FAM227B: variants seen among roughly 807,000 people sequenced by gnomAD.
FAM227B encodes family with sequence similarity 227 member B, also known as protein FAM227B.
In FAM227B, 88 loss-of-function variants were observed where a neutral mutation model predicts 73.8. The ratio of observed to expected loss-of-function variants is 1.19; its 90% CI spans 1.00 to 1.42. The LOEUF (loss-of-function observed/expected upper bound fraction) is 1.42, where lower values mean the gene tolerates loss of function less well. Among genes scored for constraint, FAM227B ranks in the 40% most tolerant of loss-of-function variants. FAM227B has a pLI of 0.00. For synonymous variants in FAM227B, 210 were observed against 190.5 expected, an observed-to-expected ratio of 1.10 and a Z score of -0.84; for missense variants, 632 against 590.9, an observed-to-expected ratio of 1.07 and a Z score of -0.72.
intron 11 of FAM227B, among the ~76,000 whole-genome samples, chr15:49,374,129 A>T (rs1378265531): frequency 6.6e-6 from 1 of 152,212 alleles, no homozygotes; most frequent in Non-Finnish European, 1.5e-5. Flanking sequence ...TTATAAAGAT[A>T]GTTGGTATCA....
intron 12 of FAM227B, among the ~76,000 whole-genome samples, chr15:49,368,702 T>C (rs564385934): frequency 6.6e-6 from 1 of 152,312 alleles, no homozygotes; most frequent in East Asian, 1.9e-4. Context: ...TTTAAAAAAT[T>C]TGCCTGTCTA....
In FAM227B at chr15:49,552,390, T is replaced by C. The variant is rs113772268; in HGVS notation, c.748-10584A>G. On this transcript the variant is annotated intron_variant, in intron 9 of 15. Coordinates refer to ENST00000299338, the MANE Select transcript of FAM227B (RefSeq NM_152647.3). Reference sequence around the variant, plus strand: ...ATTATTGTATGTTGTTTCTTTCTTTTATCTTGCTGCTCTCAGGTCCTTTCT... The same window carrying C: ...ATTATTGTATGTTGTTTCTTTCTTTCATCTTGCTGCTCTCAGGTCCTTTCT... Among the ~76,000 whole-genome samples, 5 of 70,794 alleles carry C rather than the reference T, an allele frequency of 7.1e-5. No individual in the cohort carries two copies. The East Asian group carries it at 2.5e-3, about 35-fold the overall frequency. 46.4% of individuals were successfully genotyped at this position (70,794 alleles called of 152,430 possible).
chr15:49,522,014 C>A (rs1167073158), intron 10 of FAM227B, among the ~76,000 whole-genome samples: 1 of 152,078 alleles, frequency 6.6e-6, no homozygotes, highest in East Asian at 1.9e-4. Flanking sequence ...CTGAACTGCA[C>A]CACCAAATAA....
In FAM227B at chr15:49,536,384, C is replaced by T. The variant is rs563305645; in HGVS notation, c.874+5296G>A. Among the ~76,000 whole-genome samples, 11 of 151,838 alleles carry T rather than the reference C, an allele frequency of 7.2e-5. No individual in the cohort carries two copies. In the South Asian group the frequency reaches 2.3e-3, roughly 31 times the overall value. On this transcript the variant is annotated intron_variant, in intron 10 of 15. Coordinates refer to ENST00000299338, the MANE Select transcript of FAM227B (RefSeq NM_152647.3). The stretch of plus-strand genomic sequence containing the variant: ...ACTAAGGAGGTAAAAAGTCTGCAGA[C>T]TGAACACTGTAAAACACTGAAGAAA...
intron 10 of FAM227B, among the ~76,000 whole-genome samples, chr15:49,521,131 CTT>C (rs1422155946): frequency 1.3e-5 from 2 of 152,186 alleles, no homozygotes; most frequent in African/African-American, 2.4e-5. Context: ...TGCTTGTACA[CTT>C]GTTATGGGAC....
At chr15:49,508,499 A>T (rs2058742737) in intron 10 of FAM227B, 151 bp from the exon 11 acceptor site, 1 of 561,328 alleles carries the variant, frequency 1.8e-6, no homozygotes, top group African/African-American at 2.0e-5. Flanking sequence ...AGGATTAGAT[A>T]AGTCATCTAA....
intron 11 of FAM227B, among the ~76,000 whole-genome samples, chr15:49,475,134 C>T (rs1253827537): frequency 1.3e-5 from 2 of 151,980 alleles, no homozygotes; most frequent in South Asian, 2.1e-4. Context: ...TTTTTTCACC[C>T]TGCACTCCGG....
At chr15:49,516,632 T>C (rs990164184) in intron 10 of FAM227B, among the ~76,000 whole-genome samples, 8 of 151,998 alleles carry the variant, frequency 5.3e-5, no homozygotes, top group African/African-American at 1.9e-4. Flanking sequence ...GGCTGGGATG[T>C]GGAATTCAGT....
At chr15:49,390,347 G>C (rs1351646656) in intron 11 of FAM227B, among the ~76,000 whole-genome samples, 1 of 151,974 alleles carries the variant, frequency 6.6e-6, no homozygotes, top group Non-Finnish European at 1.5e-5. Flanking sequence ...AAGCCACTAA[G>C]ATTTTACTAA....
intron 12 of FAM227B, among the ~76,000 whole-genome samples, chr15:49,369,851 C>G (rs2045690021): frequency 6.6e-6 from 1 of 152,130 alleles, no homozygotes; most frequent in Non-Finnish European, 1.5e-5. Flanking sequence ...GTTATTATGG[C>G]CTTCAGAGTC....
chr15:49,393,158 C>T (rs2047332071), intron 11 of FAM227B, among the ~76,000 whole-genome samples: 1 of 152,146 alleles, frequency 6.6e-6, no homozygotes, highest in South Asian at 2.1e-4. Context: ...TGAGTGAGGT[C>T]AGTGTATGTA....
intron 11 of FAM227B, among the ~76,000 whole-genome samples, chr15:49,501,580 AACTTAT>A (rs2058138706): frequency 6.6e-6 from 1 of 151,342 alleles, no homozygotes; most frequent in Non-Finnish European, 1.5e-5. Context: ...ATAAATGTGG[AACTTAT>A]ATTTAAACAG....
intron 13 of FAM227B, among the ~76,000 whole-genome samples, chr15:49,356,403 T>C (rs1280362309): frequency 2.0e-5 from 3 of 149,194 alleles, no homozygotes; most frequent in African/African-American, 4.9e-5. Context: ...ACCAAGCCAA[T>C]GGAAAACAAA....
At chr15:49,546,976 T>C (rs11633607) in intron 9 of FAM227B, among the ~76,000 whole-genome samples, 38,096 of 151,932 alleles carry the variant, frequency 0.25, 5,740 homozygotes, top group Non-Finnish European at 0.35. Flanking sequence ...AGACACATAA[T>C]TGTCAGATTC....
At chr15:49,480,505 G>A (rs1477076094) in intron 11 of FAM227B, among the ~76,000 whole-genome samples, 21 of 129,034 alleles carry the variant, frequency 1.6e-4, no homozygotes, top group African/African-American at 5.6e-4. Flanking sequence ...TTGGTGAGAC[G>A]GAGTCTCACT....
chr15:49,396,128 A>C (rs1309320247), intron 11 of FAM227B: 7 of 388,782 alleles, frequency 1.8e-5, no homozygotes, highest in South Asian at 5.7e-5. Flanking sequence ...GGCGCAGGTC[A>C]GTGGGTGTGC....
rs538554102 is a variant in FAM227B, at chr15:49,595,267, A to G, written c.106-5260T>C. Among the ~76,000 whole-genome samples the G allele has an allele frequency of 2.6e-5, 4 of 152,206 alleles. No individual in the cohort carries two copies. In the South Asian group the frequency reaches 8.3e-4, roughly 32 times the overall value. The stretch of plus-strand genomic sequence containing the variant: ...AGCTTGGTTGTTATTTGTATATAGC[A>G]GTGCTACTGATTTGTATACACTGAT... On this transcript the variant is annotated intron_variant, in intron 3 of 15. Transcript: ENST00000299338.
intron 11 of FAM227B, among the ~76,000 whole-genome samples, chr15:49,455,643 T>C (rs954856214): frequency 1.3e-5 from 2 of 152,196 alleles, no homozygotes; most frequent in African/African-American, 2.4e-5. Flanking sequence ...TAATCTAATG[T>C]CCTATATTTC....
intron 11 of FAM227B, among the ~76,000 whole-genome samples, chr15:49,501,882 G>C (rs1455342994): frequency 6.6e-6 from 1 of 152,192 alleles, no homozygotes. Context: ...GCACAGTCTT[G>C]GGCCACTGCT....
Sources: gnomAD v4.1 joint callset for allele counts (sites outside exome capture counted in the v4.1 genomes callset) on GRCh38, gnomAD v4.1.1 for gene constraint, MANE v1.5 for transcripts, NCBI Gene and HGNC (gene_info 2026-07-23, HGNC 2026-07-21) for gene names.